The following ADGRV1 variants were observed in gnomAD, a reference collection of about 807,000 sequenced individuals.
The protein encoded by ADGRV1 is adhesion G protein-coupled receptor V1, also known as G-protein coupled receptor 98.
ADGRV1 carries 359 observed loss-of-function variants against 596.2 expected under a neutral mutation model. The ratio of observed to expected loss-of-function variants is 0.60; its 90% CI spans 0.55 to 0.66. The LOEUF is 0.66. ADGRV1 is among the 30% of genes least tolerant of loss of function. The pLI, the probability that ADGRV1 is intolerant of heterozygous loss-of-function variation, is 0.00. For synonymous variants in ADGRV1, 2,681 were observed against 2,679.2 expected, an observed-to-expected ratio of 1.00 and a Z score of -0.02; for missense variants, 7,274 against 7,575.6, an observed-to-expected ratio of 0.96 and a Z score of 1.48.
intron 85 of ADGRV1, among the ~76,000 whole-genome samples, chr5:91,065,321 A>AT (rs1383376580): frequency 6.6e-6 from 1 of 152,198 alleles, no homozygotes; most frequent in African/African-American, 2.4e-5. Flanking sequence ...CATGACTATT[A>AT]TCCTTGTCTT....
In ADGRV1 at chr5:90,829,022, T is replaced by C. The variant is rs376863164; in HGVS notation, c.16447T>C (p.Phe5483Leu). The change falls in exon 77 of 90, where the codon TTC becomes CTC. Residue 5483 changes from phenylalanine to leucine, a missense_variant. Coordinates refer to ENST00000405460, the MANE Select transcript of ADGRV1 (RefSeq NM_032119.4). The part of the protein sequence containing the change: ...AGAAINNSAR[F>L]AQIKILESDE... The stretch of plus-strand genomic sequence containing the variant: ...AGCAGCAATAAACAACAGTGCCAGA[T>C]TCGCACAGATTAAAATCTTAGAAAG... The C allele has an allele frequency of 2.4e-5, 39 of 1,612,562 alleles. No individual in the cohort carries two copies. In the East Asian group the frequency reaches 6.9e-4, roughly 29 times the overall value.
rs1278523801 is a variant in ADGRV1 at position 90,627,590 on chromosome 5, T to A, written c.1052T>A (p.Ile351Lys). 6.2e-7 allele frequency: 1 copy of A among 1,613,882 alleles called. No homozygotes were observed. Among genetic ancestry groups the A allele is most frequent in the East Asian group, 2.2e-5 (1 of 44,864 alleles). The change falls in exon 7 of 90, where the codon ATA becomes AAA. Residue 351 changes from isoleucine (I) to lysine (K), a missense_variant. Transcript: ENST00000405460. Reference protein sequence around the residue: ...HLKFQIVDDTIPEIAESFHIM... With the variant: ...HLKFQIVDDTKPEIAESFHIM... ...AAATTTCAAATAGTTGATGACACCA[T>A]ACCGGAGATTGCTGAATCGTTTCAC... is the stretch of plus-strand genomic sequence containing the variant.
chr5:90,729,802 G>A (rs772763531), intron 50 of ADGRV1, 38 bp downstream of exon 50: 1 of 1,597,788 alleles, frequency 6.3e-7, no homozygotes, highest in Admixed American at 1.7e-5. Context: ...TCTAAAGGTA[G>A]TATGGAAAGC....
intron 21 of ADGRV1, among the ~76,000 whole-genome samples, chr5:90,670,586 A>G (rs1457756420): frequency 6.6e-6 from 1 of 152,200 alleles, no homozygotes; most frequent in Admixed American, 6.5e-5. Context: ...GCTCTGTTGC[A>G]TATCGGCCAG....
intron 85 of ADGRV1, among the ~76,000 whole-genome samples, chr5:91,044,403 C>G (rs1785619054): frequency 6.6e-6 from 1 of 152,124 alleles, no homozygotes; most frequent in South Asian, 2.1e-4. Flanking sequence ...AATGATAATA[C>G]TTTCTATCAC....
chr5:90,891,725 TC>T (rs1770842126), intron 83 of ADGRV1, among the ~76,000 whole-genome samples: 1 of 151,968 alleles, frequency 6.6e-6, no homozygotes, highest in Admixed American at 6.6e-5. Context: ...TAGAAGAATT[TC>T]TGTTTTAGAT....
intron 85 of ADGRV1, among the ~76,000 whole-genome samples, chr5:91,043,149 T>G (rs1359736982): frequency 6.6e-6 from 1 of 152,178 alleles, no homozygotes; most frequent in Non-Finnish European, 1.5e-5. Flanking sequence ...ACTTCATTAT[T>G]TCAGATGTAA....
At chr5:90,607,964 A>T (rs986440410) in intron 1 of ADGRV1, among the ~76,000 whole-genome samples, 14 of 152,208 alleles carry the variant, frequency 9.2e-5, no homozygotes, top group East Asian at 3.9e-4. Context: ...GATTTTTTTT[A>T]AAATCAGTAT....
intron 52 of ADGRV1, among the ~76,000 whole-genome samples, chr5:90,747,325 A>G (rs960088650): frequency 6.6e-6 from 1 of 152,150 alleles, no homozygotes; most frequent in African/African-American, 2.4e-5. Flanking sequence ...GTGCAGGGCC[A>G]GGGCTCTGTG....
chr5:90,940,496 G>T (rs959027599), intron 83 of ADGRV1, among the ~76,000 whole-genome samples: 8 of 152,192 alleles, frequency 5.3e-5, no homozygotes, highest in African/African-American at 1.9e-4. Context: ...TCAGTACAAT[G>T]CTCTGTTTAA....
chr5:91,069,651 A>C (rs1039828587), intron 85 of ADGRV1, among the ~76,000 whole-genome samples: 1 of 152,234 alleles, frequency 6.6e-6, no homozygotes, highest in African/African-American at 2.4e-5. Flanking sequence ...ATGCATGTGC[A>C]CTATTGGTGT....
Position 90,863,641 on chromosome 5 carries a change from G to A in ADGRV1, c.17756-116G>A, listed in dbSNP as rs145020291. On this transcript the variant is annotated intron_variant, in intron 82 of 89. Coordinates refer to ENST00000405460, the MANE Select transcript of ADGRV1 (RefSeq NM_032119.4). ...CCATGTCATCTTTTCCAGAGGTACT[G>A]GGCAGAGGCAGGTGGCAGACCTGAC... The A allele has an allele frequency of 4.4e-4, 336 of 758,450 alleles. No individual in the cohort carries two copies. In the African/African-American group the frequency reaches 4.5e-3, roughly 10 times the overall value. The allele number at this position is 758,450 out of a possible 1,614,324, so 47.0% of individuals were successfully genotyped here. A position where few individuals can be genotyped will look rare whatever the true frequency, so the allele number is the denominator to read the frequency against.
At chr5:90,648,616 A>T (rs1768141773) in intron 17 of ADGRV1, among the ~76,000 whole-genome samples, 1 of 152,020 alleles carries the variant, frequency 6.6e-6, no homozygotes, top group South Asian at 2.1e-4. Context: ...AGAGAAAGAG[A>T]TCTCTTAATT....
In ADGRV1 at chr5:90,686,166, G is replaced by A. The variant is rs560325549; in HGVS notation, c.6490+171G>A. On this transcript the variant is annotated intron_variant, in intron 29 of 89. Coordinates refer to ENST00000405460, the MANE Select transcript of ADGRV1 (RefSeq NM_032119.4). Reference sequence around the variant, plus strand: ...CAAATCTAGAGTCTTTTTTTTTGGGGGGGGGGATGGAGTCTCGCTTGATTT... The same window carrying A: ...CAAATCTAGAGTCTTTTTTTTTGGGAGGGGGGATGGAGTCTCGCTTGATTT... 2.7e-5 allele frequency among the ~76,000 whole-genome samples: 4 copies of A among 149,256 alleles called. 1 individual carries two copies. Among genetic ancestry groups the A allele is most frequent in the African/African-American group, 9.9e-5 (4 of 40,294 alleles).
intron 83 of ADGRV1, among the ~76,000 whole-genome samples, chr5:90,903,394 A>G (rs552868255): frequency 6.6e-6 from 1 of 152,162 alleles, no homozygotes; most frequent in Non-Finnish European, 1.5e-5. Flanking sequence ...ATATTAAGCA[A>G]TATTTATCTC....
intron 1 of ADGRV1, among the ~76,000 whole-genome samples, chr5:90,596,539 G>C (rs988510165): frequency 1.3e-5 from 2 of 152,126 alleles, no homozygotes; most frequent in South Asian, 2.1e-4. Flanking sequence ...TGCAATCCCC[G>C]CACCTCGGGA....
intron 84 of ADGRV1, among the ~76,000 whole-genome samples, chr5:90,974,023 G>A (rs927333807): frequency 1.3e-5 from 2 of 152,138 alleles, no homozygotes; most frequent in African/African-American, 2.4e-5. Flanking sequence ...AAATCAGTGT[G>A]CAAAAATCAC....
Position 90,685,930 on chromosome 5 carries a change from G to C in ADGRV1, c.6425G>C (p.Arg2142Thr). Residue 2142 changes from arginine (R) to threonine (T), a missense_variant, in exon 29 of 90, where the codon AGA (arginine) becomes ACA (threonine). This residue lies in a region of ADGRV1 where 3,643 missense variants were observed against 3,809.2 expected (regional missense o/e 0.96). Coordinates refer to ENST00000405460, the MANE Select transcript of ADGRV1 (RefSeq NM_032119.4). ...NHVGPIINVT[R>T]TGGAFADVSV... ...GTTGGACCCATTATCAATGTGACTA[G>C]AACAGGAGGAGCATTTGCAGATGTC... is the stretch of plus-strand genomic sequence containing the variant. 1 of 1,609,416 alleles carries C rather than the reference G, an allele frequency of 6.2e-7. No homozygotes were observed. The highest frequency in any genetic ancestry group is 8.5e-7 in the Non-Finnish European group (1 of 1,177,092).
chr5:90,581,182 C>T (rs1757994024), intron 1 of ADGRV1, among the ~76,000 whole-genome samples: 2 of 152,064 alleles, frequency 1.3e-5, no homozygotes, highest in Non-Finnish European at 2.9e-5. Flanking sequence ...TTTTAGCTTC[C>T]TTGCGATAGG....
Sources: allele counts gnomAD v4.1 joint callset (sites outside exome capture counted in the v4.1 genomes callset), GRCh38; gene constraint gnomAD v4.1.1; regional missense constraint gnomAD v4.1.1; transcripts MANE v1.5; gene names NCBI Gene and HGNC (gene_info 2026-07-23, HGNC 2026-07-21).